DDX1: variants seen among roughly 807,000 people sequenced by gnomAD.
The protein encoded by DDX1 is ATP-dependent RNA helicase DDX1.
A neutral mutation model predicts 108.7 loss-of-function variants in DDX1; 28 were observed. The observed-to-expected ratio is 0.26, with a 90% CI of 0.19 to 0.35. The LOEUF (loss-of-function observed/expected upper bound fraction) is 0.35. DDX1 is among the 10% of genes least tolerant of loss of function. DDX1 has a pLI of 1.00. For missense variants in DDX1, 710 were observed against 884.5 expected (o/e 0.80, Z 2.50); for synonymous variants, 295 against 288.9 (o/e 1.02, Z -0.21).
At chr2:15,621,905 T>G (rs953504346) in intron 18 of DDX1, among the ~76,000 whole-genome samples, 3 of 152,152 alleles carry the variant, frequency 2.0e-5, no homozygotes, top group Non-Finnish European at 4.4e-5. Context: ...CCACCCGCCT[T>G]GGCTTCACAA....
At position 15,631,092 on chromosome 2, in the gene DDX1, G is replaced by T; in HGVS notation, c.*186G>T. ...ATGGCATCCCAATGAAAATAAATTT[G>T]ATGACTATATTTTCATGAAGGTTTG... On this transcript the variant is annotated 3_prime_UTR_variant, in exon 26 of 26. Transcript: ENST00000233084. 2 of 476,570 alleles carry T rather than the reference G, an allele frequency of 4.2e-6. No homozygotes were observed. The highest frequency in any genetic ancestry group is 5.0e-5 in the South Asian group (1 of 19,836). 29.5% of individuals were successfully genotyped at this position (476,570 alleles called of 1,614,324 possible). A position where few individuals can be genotyped will look rare whatever the true frequency, so the allele number is the denominator to read the frequency against.
chr2:15,620,678 T>G (rs1167180130), intron 17 of DDX1, among the ~76,000 whole-genome samples: 1 of 152,188 alleles, frequency 6.6e-6, no homozygotes, highest in African/African-American at 2.4e-5. Flanking sequence ...ATTTCCATTT[T>G]TAGTAGTATT....
chr2:15,622,362 ATTC>A (rs1426847028), intron 18 of DDX1, among the ~76,000 whole-genome samples: 1 of 152,184 alleles, frequency 6.6e-6, no homozygotes, highest in East Asian at 1.9e-4. Flanking sequence ...CTCAATGAAG[ATTC>A]TTCTTTGCAG....
At position 15,618,344 on chromosome 2, in the gene DDX1, G is replaced by A; in HGVS notation, c.1206+74G>A. On this transcript the variant is annotated intron_variant, in intron 16 of 25. Transcript: ENST00000233084. ...GTATAATGTTACGGGATCCCAGGGG[G>A]TGTTGCTTTTCTGGCTGGAAACCTC... The A allele has an allele frequency of 5.0e-6, 4 of 797,378 alleles. No homozygotes were observed. The Admixed American group carries it at 5.9e-5, about 12-fold the overall frequency. 49.4% of individuals were successfully genotyped at this position (797,378 alleles called of 1,614,324 possible).
chr2:15,622,238 T>C (rs1221272414), intron 18 of DDX1, among the ~76,000 whole-genome samples: 1 of 152,238 alleles, frequency 6.6e-6, no homozygotes, highest in Non-Finnish European at 1.5e-5. Context: ...TACATTCATA[T>C]TGTTGTACAA....
intron 19 of DDX1, among the ~76,000 whole-genome samples, chr2:15,626,365 A>G (rs1411921098): frequency 6.6e-6 from 1 of 152,154 alleles, no homozygotes; most frequent in East Asian, 1.9e-4. Context: ...ATATCTGTCA[A>G]AATGTATTGT....
At chr2:15,602,775 G>A in intron 7 of DDX1, 144 bp downstream of exon 7, 1 of 601,614 alleles carries the variant, frequency 1.7e-6, no homozygotes, top group Non-Finnish European at 2.9e-6. Context: ...GGGCAGTGGT[G>A]CCATCTCGGC....
intron 19 of DDX1, 66 bp downstream of exon 19, chr2:15,623,648 T>A (rs1573050624): frequency 7.3e-7 from 1 of 1,369,870 alleles, no homozygotes; most frequent in East Asian, 2.3e-5. Context: ...TAATCTCATG[T>A]TGATGCAATC....
rs758879780 is a variant in DDX1 at position 15,593,224 on chromosome 2, ATCT to A, written c.16+1279_16+1281del. 9.9e-4 allele frequency among the ~76,000 whole-genome samples: 151 copies of A among 152,280 alleles called. 1 individual carries two copies. The highest frequency in any genetic ancestry group is 6.8e-3 in the Middle Eastern group (2 of 294). Reference sequence around the variant, plus strand: ...TAAGATTTCTGACTGTTTCAGTTACATCTTCTAATAGGATTCAATTGGAAACTG... The same window carrying A: ...TAAGATTTCTGACTGTTTCAGTTACATCTAATAGGATTCAATTGGAAACTG... On this transcript the variant is annotated intron_variant, in intron 1 of 25. Transcript: ENST00000233084.
intron 24 of DDX1, 26 bp from the exon 25 acceptor site, chr2:15,629,964 T>C: frequency 6.4e-7 from 1 of 1,557,644 alleles, no homozygotes; most frequent in South Asian, 1.2e-5. Context: ...AAATTTTTAT[T>C]TGGAAATTTT....
chr2:15,617,233 C>CT lies in DDX1; in HGVS notation c.1018-4dup, dbSNP rs759155261. The CT allele has an allele frequency of 4.7e-6, 7 of 1,502,868 alleles. No homozygotes were observed. The highest frequency in any genetic ancestry group is 1.9e-5 in the Admixed American group (1 of 53,848). 93.1% of individuals were successfully genotyped at this position (1,502,868 alleles called of 1,614,324 possible). ...TAGTTTTCATTAAGTGGTTGGTTTG[C>CT]TTTTTTTCAGGTAGATATAGTTGTA... is the stretch of plus-strand genomic sequence containing the variant. On this transcript the variant is annotated splice_polypyrimidine_tract_variant and intron_variant, in intron 14 of 25. Coordinates refer to ENST00000233084, the MANE Select transcript of DDX1 (RefSeq NM_004939.3).
chr2:15,620,082 A>G (rs972975022), intron 16 of DDX1, 126 bp from the exon 17 acceptor site: 1 of 814,670 alleles, frequency 1.2e-6, no homozygotes, highest in African/African-American at 1.8e-5. Flanking sequence ...GTCGCTACAT[A>G]GAGTAAGGTG....
intron 13 of DDX1, among the ~76,000 whole-genome samples, chr2:15,611,745 C>G: frequency 9.3e-6 from 1 of 107,400 alleles, no homozygotes; most frequent in Non-Finnish European, 1.9e-5. Context: ...GGGGCTGACC[C>G]CCCCACCTCC....
chr2:15,607,348 CT>C, intron 13 of DDX1, 35 bp downstream of exon 13: 1 of 1,601,754 alleles, frequency 6.2e-7, no homozygotes, highest in Non-Finnish European at 8.5e-7. Flanking sequence ...TGCTTATTGT[CT>C]TTTGGTTTGA....
intron 5 of DDX1, 21 bp downstream of exon 5, chr2:15,597,492 T>C (rs771324094): frequency 1.4e-6 from 2 of 1,437,932 alleles, no homozygotes; most frequent in East Asian, 2.3e-5. Flanking sequence ...TAAATTGATA[T>C]TTCCTTTTAT....
intron 13 of DDX1, among the ~76,000 whole-genome samples, chr2:15,609,479 T>C (rs745958047): frequency 2.9e-4 from 44 of 152,238 alleles, no homozygotes; most frequent in Non-Finnish European, 5.4e-4. Flanking sequence ...TACTGTCATG[T>C]GTTACTTTTC....
At position 15,597,422 on chromosome 2, in the gene DDX1, C is replaced by T; in HGVS notation, c.210C>T (p.Asp70=). Residue 70 remains aspartate (D), a synonymous_variant, in exon 5 of 26, where the codon GAC becomes GAT. Coordinates refer to ENST00000233084, the MANE Select transcript of DDX1 (RefSeq NM_004939.3). ...AGATAGTTTATGAAACTCTGAAAGA[C>T]CAACAGGAAGGCAAAAAAGGAAAAA... ...VIQIVYETLK[D]QQEGKKGKTT... 6.2e-7 allele frequency: 1 copy of T among 1,608,324 alleles called. No homozygotes were observed. Among genetic ancestry groups the T allele is most frequent in the African/African-American group, 1.3e-5 (1 of 74,600 alleles).
Position 15,607,168 on chromosome 2 carries a change from C to G in DDX1, c.818-7C>G. 2 of 1,612,824 alleles carry G rather than the reference C, an allele frequency of 1.2e-6. No individual in the cohort carries two copies. Among genetic ancestry groups the G allele is most frequent in the Non-Finnish European group, 1.7e-6 (2 of 1,179,316 alleles). On this transcript the variant is annotated splice_polypyrimidine_tract_variant and splice_region_variant and intron_variant, in intron 12 of 25. Transcript: ENST00000233084. ...TGAATGTGTTCTCATCTTTTTTATT[C>G]CCTAAGGTAATGCACAGGTGACACA...
Position 15,600,879 on chromosome 2 carries a change from C to A in DDX1, c.307+1163C>A, listed in dbSNP as rs545590935. On this transcript the variant is annotated intron_variant, in intron 6 of 25. Transcript: ENST00000233084. ...GTGTTTTCTTATGCATCCAGTGAAC[C>A]AGCTCCCCAGGAGTTGGATCCAACT... Among the ~76,000 whole-genome samples, 5 of 150,962 alleles carry A rather than the reference C, an allele frequency of 3.3e-5. No homozygotes were observed. In the East Asian group the frequency reaches 9.8e-4, roughly 30 times the overall value.
Sources: gnomAD v4.1 joint callset for allele counts (sites outside exome capture counted in the v4.1 genomes callset) on GRCh38, gnomAD v4.1.1 for gene constraint, MANE v1.5 for transcripts, NCBI Gene and HGNC (gene_info 2026-07-23, HGNC 2026-07-21) for gene names.